The following ACSM3 variants were observed in gnomAD, a reference collection of about 807,000 sequenced individuals.
ACSM3 encodes the protein acyl-coenzyme A synthetase ACSM3, mitochondrial.
ACSM3 carries 61 observed loss-of-function variants against 74.1 expected under a neutral mutation model. The ratio of observed to expected loss-of-function variants is 0.82; its 90% CI spans 0.67 to 1.02. ACSM3 has a LOEUF of 1.02. Among genes scored for constraint, ACSM3 ranks in the 50% least tolerant of loss-of-function variants. The pLI is 0.00. For synonymous variants in ACSM3, 213 were observed against 241.5 expected (o/e 0.88, Z 1.09); for missense variants, 660 against 697.0 (o/e 0.95, Z 0.60).
At chr16:20,738,119 G>A in intron 1 of ACSM3, 1 of 733,204 alleles carries the variant, frequency 1.4e-6, no homozygotes, top group South Asian at 1.6e-5. Flanking sequence ...TATTTCTTCA[G>A]TGCCTAATAC....
intron 1 of ACSM3, among the ~76,000 whole-genome samples, chr16:20,688,944 A>G (rs2079603024): frequency 6.7e-6 from 1 of 149,300 alleles, no homozygotes; most frequent in African/African-American, 2.4e-5. Context: ...CATAAAAATA[A>G]TTATAAATAT....
chr16:20,793,624 T>C (rs2080653262), intron 12 of ACSM3, among the ~76,000 whole-genome samples: 1 of 152,196 alleles, frequency 6.6e-6, no homozygotes, highest in Non-Finnish European at 1.5e-5. Flanking sequence ...CCAAAGTTGT[T>C]CCAGATATAG....
intron 1 of ACSM3, among the ~76,000 whole-genome samples, chr16:20,701,719 T>C (rs1346710683): frequency 6.6e-6 from 1 of 151,928 alleles, no homozygotes; most frequent in Non-Finnish European, 1.5e-5. Flanking sequence ...CAGGCACTGG[T>C]GTGTGATGTT....
At chr16:20,683,853 C>T (rs1410191623) in intron 1 of ACSM3, among the ~76,000 whole-genome samples, 1 of 152,080 alleles carries the variant, frequency 6.6e-6, no homozygotes, top group Non-Finnish European at 1.5e-5. Context: ...TAGGCCTAAG[C>T]CACCACCCAG....
chr16:20,766,218 G>A (rs766530509), intron 1 of ACSM3, among the ~76,000 whole-genome samples: 2 of 152,100 alleles, frequency 1.3e-5, no homozygotes, highest in African/African-American at 2.4e-5. Flanking sequence ...GAATCAGGAC[G>A]TTCCTTTTGG....
chr16:20,765,398 T>C (rs1489579024), intron 1 of ACSM3, among the ~76,000 whole-genome samples: 2 of 152,180 alleles, frequency 1.3e-5, no homozygotes, highest in Non-Finnish European at 2.9e-5. Flanking sequence ...TAGAACAGAA[T>C]GGTTAGGTTC....
intron 1 of ACSM3, among the ~76,000 whole-genome samples, chr16:20,713,953 T>TA (rs1489159355): frequency 1.3e-5 from 2 of 152,202 alleles, no homozygotes; most frequent in Non-Finnish European, 2.9e-5. Flanking sequence ...TTTACACTGT[T>TA]AGAGTTGATC....
chr16:20,690,202 C>G (rs766693779), intron 1 of ACSM3, among the ~76,000 whole-genome samples: 2 of 152,182 alleles, frequency 1.3e-5, no homozygotes, highest in South Asian at 2.1e-4. Context: ...TATATTAACT[C>G]TCCAATTCCA....
At chr16:20,685,349 C>G in intron 1 of ACSM3, 1 of 1,614,224 alleles carries the variant, frequency 6.2e-7, no homozygotes, top group East Asian at 2.2e-5. Context: ...CACTTTACTT[C>G]ATCCCCTTGG....
At chr16:20,791,104 C>T (rs1317102207) in intron 10 of ACSM3, among the ~76,000 whole-genome samples, 1 of 152,176 alleles carries the variant, frequency 6.6e-6, no homozygotes, top group African/African-American at 2.4e-5. Flanking sequence ...GCTTTCTAAG[C>T]TCCTTACTGT....
At chr16:20,682,686 C>T (rs1290352809) in intron 1 of ACSM3, among the ~76,000 whole-genome samples, 1 of 152,192 alleles carries the variant, frequency 6.6e-6, no homozygotes, top group African/African-American at 2.4e-5. Flanking sequence ...TTCTTTTGCA[C>T]TAAAATTTGT....
chr16:20,790,901 T>A lies in ACSM3; in HGVS notation c.1326+213T>A, dbSNP rs749288358. ...CTGGTCCCCTGAGGCCAGATCACTG[T>A]TCCAGGTCCACGAAGGCAAGAGGAA... On this transcript the variant is annotated intron_variant, in intron 10 of 13. Coordinates refer to ENST00000289416, the MANE Select transcript of ACSM3 (RefSeq NM_005622.4). This position sits in a 1 kb window ranked among gnomAD's most constrained non-coding sequence, Gnocchi z 4.0. 1.5e-5 allele frequency: 24 copies of A among 1,613,946 alleles called. No homozygotes were observed. In the South Asian group the frequency reaches 2.6e-4, roughly 18 times the overall value.
chr16:20,722,479 A>G (rs940611825), intron 1 of ACSM3, among the ~76,000 whole-genome samples: 3 of 152,204 alleles, frequency 2.0e-5, no homozygotes, highest in African/African-American at 7.2e-5. Flanking sequence ...TAGATTTAAG[A>G]TGTCTAGGCC....
intron 3 of ACSM3, among the ~76,000 whole-genome samples, chr16:20,757,908 T>A (rs1596502567): frequency 6.6e-6 from 1 of 152,180 alleles, no homozygotes; most frequent in East Asian, 1.9e-4. Flanking sequence ...GGTTTTTGTC[T>A]TTGGTTCTGT....
At position 20,796,459 on chromosome 16, in the gene ACSM3, A is replaced by G. The variant is rs1391057276; in HGVS notation, c.1644A>G (p.Lys548=). The G allele has an allele frequency of 5.6e-6, 9 of 1,613,774 alleles. No homozygotes were observed. Among genetic ancestry groups the G allele is most frequent in the African/African-American group, 1.3e-5 (1 of 74,920 alleles). Residue 548 remains lysine (K), a synonymous_variant, in exon 13 of 14, where the codon AAA becomes AAG. Coordinates refer to ENST00000289416, the MANE Select transcript of ACSM3 (RefSeq NM_005622.4). ...LIKEIQEHVK[K]TTAPYKYPRK... is the part of the protein sequence containing the mutation. ...AGGAGATTCAGGAGCATGTTAAAAAAACTACAGCACCTTACAAATATCCCA... is the reference window on the plus strand; with the variant it reads ...AGGAGATTCAGGAGCATGTTAAAAAGACTACAGCACCTTACAAATATCCCA...
intron 1 of ACSM3, among the ~76,000 whole-genome samples, chr16:20,717,961 A>AGG (rs57719481): frequency 5.5e-3 from 372 of 67,150 alleles, no homozygotes; most frequent in South Asian, 9.1e-3. Context: ...GAAGAGGAAG[A>AGG]AGAAGAAGAA....
intron 2 of ACSM3, among the ~76,000 whole-genome samples, chr16:20,750,959 A>G (rs576098120): frequency 6.8e-6 from 1 of 147,548 alleles, no homozygotes; most frequent in East Asian, 2.0e-4. Flanking sequence ...ATTCTCCTAC[A>G]TTAGCCACCC....
At position 20,790,139 on chromosome 16, in the gene ACSM3, A is replaced by T. The variant is rs181889106; in HGVS notation, c.1225-448A>T. Among the ~76,000 whole-genome samples the T allele has an allele frequency of 4.0e-5, 6 of 150,374 alleles. No individual in the cohort carries two copies. The highest frequency in any genetic ancestry group is 4.0e-4 in the Admixed American group (6 of 15,102). On this transcript the variant is annotated intron_variant, in intron 9 of 13. Transcript: ENST00000289416. This position sits in a 1 kb window ranked among gnomAD's most constrained non-coding sequence, Gnocchi z 4.0. ...GAATTTAAGTAAATATATTTCTCTT[A>T]GGAATTTAAAGTATATTTAAAATAT...
At chr16:20,688,132 A>G (rs1352083086) in intron 1 of ACSM3, among the ~76,000 whole-genome samples, 2 of 152,082 alleles carry the variant, frequency 1.3e-5, no homozygotes, top group Non-Finnish European at 2.9e-5. Context: ...GCTGAAAAAT[A>G]TAGTAACTAA....
Sources: gnomAD v4.1 joint callset for allele counts (sites outside exome capture counted in the v4.1 genomes callset) on GRCh38, gnomAD v4.1.1 for gene constraint, Gnocchi (gnomAD v3.1) non-coding constraint, MANE v1.5 for transcripts, NCBI Gene and HGNC (gene_info 2026-07-23, HGNC 2026-07-21) for gene names.